PRPF18: variants seen among roughly 807,000 people sequenced by gnomAD.
PRPF18 encodes pre-mRNA processing factor 18, also known as pre-mRNA-splicing factor 18.
PRPF18 carries 38 observed loss-of-function variants against 46.5 expected under a neutral mutation model. That is an observed-to-expected ratio of 0.82 (90% CI 0.63 to 1.07). The LOEUF (loss-of-function observed/expected upper bound fraction) is 1.07, where lower values mean the gene tolerates loss of function less well. Ranked by LOEUF, PRPF18 falls within the 50% of genes least tolerant of loss-of-function variation. PRPF18 has a pLI of 0.00. For missense variants in PRPF18, 263 were observed against 410.0 expected (o/e 0.64, Z 3.10); for synonymous variants, 152 against 146.7 (o/e 1.04, Z -0.26).
At chr10:13,624,502 G>A (rs2080468548) in intron 9 of PRPF18, among the ~76,000 whole-genome samples, 1 of 152,212 alleles carries the variant, frequency 6.6e-6, no homozygotes, top group South Asian at 2.1e-4. Flanking sequence ...AGGATAAGTA[G>A]TCCAGAGGTT....
At chr10:13,599,480 C>CT (rs1382094330) in intron 2 of PRPF18, among the ~76,000 whole-genome samples, 3 of 152,204 alleles carry the variant, frequency 2.0e-5, no homozygotes, top group Middle Eastern at 3.4e-3. Flanking sequence ...GTTTCAGTAT[C>CT]TTTTTTATAG....
At chr10:13,593,500 A>G (rs1348728888) in intron 1 of PRPF18, among the ~76,000 whole-genome samples, 1 of 152,310 alleles carries the variant, frequency 6.6e-6, no homozygotes, top group East Asian at 1.9e-4. Flanking sequence ...GGGGTAAGGA[A>G]GTGGACACGG....
the PRPF18 span, chr10:13,655,033 C>T: frequency 6.3e-6 from 1 of 158,294 alleles, no homozygotes; most frequent in Non-Finnish European, 1.4e-5. Flanking sequence ...TCAGGCTTAT[C>T]ATTGCTACTG....
chr10:13,617,981 T>C (rs1238612186), intron 9 of PRPF18, among the ~76,000 whole-genome samples: 2 of 152,202 alleles, frequency 1.3e-5, no homozygotes, highest in African/African-American at 4.8e-5. Context: ...CATAGCTCAT[T>C]GACAGAGGGA....
At chr10:13,589,138 A>G (rs772110474) in intron 1 of PRPF18, among the ~76,000 whole-genome samples, 1 of 152,230 alleles carries the variant, frequency 6.6e-6, no homozygotes, top group African/African-American at 2.4e-5. Flanking sequence ...CACCACACTT[A>G]ATTTCCACTT....
At chr10:13,605,931 CAAAT>C (rs1340567922) in intron 4 of PRPF18, among the ~76,000 whole-genome samples, 187 bp downstream of exon 4, 1 of 152,086 alleles carries the variant, frequency 6.6e-6, no homozygotes, top group Non-Finnish European at 1.5e-5. Flanking sequence ...TGCATTTTGA[CAAAT>C]ACATACAAGC....
At chr10:13,646,793 GA>G in the PRPF18 span, 1 of 153,770 alleles carries the variant, frequency 6.5e-6, no homozygotes, top group Non-Finnish European at 1.5e-5. Flanking sequence ...TTTCAAGGGG[GA>G]GGGAATGCGG....
the PRPF18 span, among the ~76,000 whole-genome samples, chr10:13,635,976 C>T: frequency 3.9e-5 from 6 of 152,150 alleles, no homozygotes; most frequent in African/African-American, 7.2e-5. Context: ...AATGAGGAGA[C>T]GTCCATAGAA....
chr10:13,631,020 T>A (rs1226502154), downstream of PRPF18: 2 of 152,134 alleles, frequency 1.3e-5, no homozygotes, highest in Non-Finnish European at 2.9e-5. Context: ...CAAACTAAGT[T>A]CAAAACAGAA....
At chr10:13,620,970 C>T (rs1401585601) in intron 9 of PRPF18, among the ~76,000 whole-genome samples, 1 of 152,182 alleles carries the variant, frequency 6.6e-6, no homozygotes, top group East Asian at 1.9e-4. Flanking sequence ...GTGGTAGTAG[C>T]TTTAAGGTCT....
At chr10:13,590,552 C>T (rs1433923191) in intron 1 of PRPF18, among the ~76,000 whole-genome samples, 2 of 145,106 alleles carry the variant, frequency 1.4e-5, no homozygotes, top group East Asian at 2.0e-4. Flanking sequence ...ACCCGGGAGG[C>T]GGGGCTTGCA....
intron 9 of PRPF18, among the ~76,000 whole-genome samples, chr10:13,624,455 A>G (rs373460443): frequency 1.8e-4 from 28 of 152,374 alleles, no homozygotes; most frequent in African/African-American, 6.0e-4. Context: ...AGGCCAGGCC[A>G]TGGGAGAAGG....
At position 13,614,004 on chromosome 10, in the gene PRPF18, A is replaced by AT; in HGVS notation, c.721-4dup. The AT allele has an allele frequency of 3.2e-6, 5 of 1,568,750 alleles. No homozygotes were observed. Among genetic ancestry groups the AT allele is most frequent in the Non-Finnish European group, 3.5e-6 (4 of 1,154,712 alleles). On this transcript the variant is annotated splice_polypyrimidine_tract_variant and intron_variant, in intron 7 of 9. Coordinates refer to ENST00000378572, the MANE Select transcript of PRPF18 (RefSeq NM_003675.4). Reference sequence around the variant, plus strand: ...TAGTAGCTTCCAAAATTTCTTATTTATTTTTTTCAGAATCTTCCTGCTGAT... The same window carrying AT: ...TAGTAGCTTCCAAAATTTCTTATTTATTTTTTTTCAGAATCTTCCTGCTGAT...
intron 2 of PRPF18, among the ~76,000 whole-genome samples, chr10:13,599,120 T>G (rs1004391191): frequency 6.6e-6 from 1 of 152,148 alleles, no homozygotes. Context: ...AAAGCACAGG[T>G]GTTTCTTTCT....
At chr10:13,603,811 A>C (rs913105654) in intron 3 of PRPF18, among the ~76,000 whole-genome samples, 1 of 152,236 alleles carries the variant, frequency 6.6e-6, no homozygotes, top group Non-Finnish European at 1.5e-5. Flanking sequence ...CATTGCATAA[A>C]AGGAAATTTT....
chr10:13,624,933 G>T (rs1379134518), intron 9 of PRPF18, among the ~76,000 whole-genome samples: 1 of 152,108 alleles, frequency 6.6e-6, no homozygotes, highest in Non-Finnish European at 1.5e-5. Context: ...CAGACATTTG[G>T]AGAAAGTCTC....
intron 9 of PRPF18, among the ~76,000 whole-genome samples, chr10:13,624,013 C>T (rs976637803): frequency 6.6e-6 from 1 of 152,198 alleles, no homozygotes; most frequent in African/African-American, 2.4e-5. Flanking sequence ...CAGACAGGGT[C>T]TCATTCCGTC....
At chr10:13,634,001 G>A (rs1424301307), downstream of PRPF18, among the ~76,000 whole-genome samples, 4 of 152,194 alleles carry the variant, frequency 2.6e-5, no homozygotes, top group Non-Finnish European at 5.9e-5. Context: ...ATGGTTAACA[G>A]TAACTTTAAA....
rs1239725218 is a variant in PRPF18, at chr10:13,613,809, T to C, written c.648T>C (p.Gly216=). The C allele has an allele frequency of 6.2e-7, 1 of 1,614,128 alleles. No individual in the cohort carries two copies. The highest frequency in any genetic ancestry group is 1.7e-4 in the Middle Eastern group (1 of 6,060). Residue 216 remains glycine (G), a synonymous_variant, in exon 7 of 10, where the codon GGT becomes GGC. Transcript: ENST00000378572. ...REDYVKRSVQ[G]KLNSATQKQT... Reference sequence around the variant, plus strand: ...ATTATGTGAAACGCAGTGTGCAGGGTAAACTGAACAGTGCGACCCAGAAAC... The same window carrying C: ...ATTATGTGAAACGCAGTGTGCAGGGCAAACTGAACAGTGCGACCCAGAAAC...
Sources: allele counts gnomAD v4.1 joint callset (sites outside exome capture counted in the v4.1 genomes callset), GRCh38; gene constraint gnomAD v4.1.1; transcripts MANE v1.5; gene names NCBI Gene and HGNC (gene_info 2026-07-23, HGNC 2026-07-21).